The following PTPRD variants were observed in gnomAD, a reference collection of about 807,000 sequenced individuals.
The protein encoded by PTPRD is receptor-type tyrosine-protein phosphatase delta.
Under a neutral mutation model 214.5 loss-of-function variants are expected in PTPRD, and 34 were observed. That is an observed-to-expected ratio of 0.16 (90% CI 0.12 to 0.21). The LOEUF (loss-of-function observed/expected upper bound fraction) is 0.21, where lower values mean the gene tolerates loss of function less well. Among genes scored for constraint, PTPRD ranks in the 10% least tolerant of loss-of-function variants. The pLI is 1.00. For synonymous variants in PTPRD, 1,128 were observed against 845.7 expected, an observed-to-expected ratio of 1.33 and a Z score of -5.79; for missense variants, 2,545 against 2,398.7, an observed-to-expected ratio of 1.06 and a Z score of -1.27.
chr9:8,478,046 T>C (rs1391252120), intron 30 of PTPRD, among the ~76,000 whole-genome samples: 1 of 152,222 alleles, frequency 6.6e-6, no homozygotes, highest in Admixed American at 6.5e-5. Flanking sequence ...AAGCACCTAG[T>C]ATGCCCTCTG....
intron 4 of PTPRD, among the ~76,000 whole-genome samples, chr9:10,023,098 G>T (rs1336738525): frequency 1.3e-5 from 2 of 152,062 alleles, no homozygotes; most frequent in Admixed American, 6.6e-5. Context: ...ATGAAAGGAA[G>T]ATTTTTGACA....
intron 3 of PTPRD, among the ~76,000 whole-genome samples, chr9:10,208,628 A>G (rs1438365013): frequency 6.6e-6 from 1 of 152,194 alleles, no homozygotes; most frequent in African/African-American, 2.4e-5. Context: ...AATTTCTACA[A>G]CTCTAAATCC....
intron 10 of PTPRD, among the ~76,000 whole-genome samples, chr9:9,053,026 C>T (rs1038188285): frequency 1.3e-5 from 2 of 151,976 alleles, no homozygotes; most frequent in African/African-American, 4.8e-5. Context: ...TGACAATTTC[C>T]AATTGGAAAA....
Position 8,970,235 on chromosome 9 carries a change from T to A in PTPRD, c.-104+48462A>T, listed in dbSNP as rs540715525. Among the ~76,000 whole-genome samples, 4 of 152,036 alleles carry A rather than the reference T, an allele frequency of 2.6e-5. No homozygotes were observed. The South Asian group carries it at 8.3e-4, about 32-fold the overall frequency. Reference sequence around the variant, plus strand: ...TAGTGCTATGGGCTTATCAGCATAATTTACATATTAAATAAAAGAGCATAA... The same window carrying A: ...TAGTGCTATGGGCTTATCAGCATAAATTACATATTAAATAAAAGAGCATAA... On this transcript the variant is annotated intron_variant, in intron 11 of 45. Transcript: ENST00000381196.
At position 8,317,696 on chromosome 9, in the gene PTPRD, GTGAATTCT is replaced by G. The variant is rs1822910029; in HGVS notation, c.*170_*177del. 3.9e-6 allele frequency: 2 copies of G among 510,140 alleles called. No individual in the cohort carries two copies. Among genetic ancestry groups the G allele is most frequent in the East Asian group, 5.6e-5 (2 of 35,424 alleles). 31.6% of individuals were successfully genotyped at this position (510,140 alleles called of 1,614,324 possible). A position where few individuals can be genotyped will look rare whatever the true frequency, so the allele number is the denominator to read the frequency against. On this transcript the variant is annotated 3_prime_UTR_variant, in exon 46 of 46. Transcript: ENST00000381196. ...ATTTTTCAGGTTAGATTATTAAACT[GTGAATTCT>G]TGGTCCACCTGGAATAATTTGTTTT...
In PTPRD at chr9:9,173,417, C is replaced by A. The variant is rs189389364; in HGVS notation, c.-143+9887G>T. 2.8e-4 allele frequency among the ~76,000 whole-genome samples: 42 copies of A among 152,224 alleles called. No individual in the cohort carries two copies. In the East Asian group the frequency reaches 7.7e-3, roughly 28 times the overall value. ...TGGTTGGGTCATGGGTCACTTAACA[C>A]TGGGGATACATTCTGATAAATGTGT... is the stretch of plus-strand genomic sequence containing the variant. On this transcript the variant is annotated intron_variant, in intron 10 of 45. Transcript: ENST00000381196.
chr9:8,788,976 G>C (rs753908232), intron 11 of PTPRD, among the ~76,000 whole-genome samples: 4 of 152,056 alleles, frequency 2.6e-5, no homozygotes, highest in Non-Finnish European at 4.4e-5. Flanking sequence ...ACTTTATCTA[G>C]CTATATATAT....
chr9:10,091,281 G>C (rs192440621), intron 3 of PTPRD, among the ~76,000 whole-genome samples: 146 of 151,318 alleles, frequency 9.6e-4, no homozygotes, highest in African/African-American at 3.3e-3. Context: ...GGCAAGATTG[G>C]GATGTCCCAA....
chr9:8,420,259 T>C (rs187540698), intron 35 of PTPRD, among the ~76,000 whole-genome samples: 3 of 152,276 alleles, frequency 2.0e-5, no homozygotes, highest in East Asian at 3.9e-4. Flanking sequence ...ACCTGGCACA[T>C]TGTAAGAGCT....
At chr9:9,005,861 G>C (rs987786722) in intron 11 of PTPRD, among the ~76,000 whole-genome samples, 32 of 152,020 alleles carry the variant, frequency 2.1e-4, no homozygotes, top group African/African-American at 7.7e-4. Flanking sequence ...TACTATTCTA[G>C]ACCAGTTAAC....
chr9:8,880,374 C>T (rs2098435127), intron 11 of PTPRD, among the ~76,000 whole-genome samples: 1 of 152,168 alleles, frequency 6.6e-6, no homozygotes, highest in Non-Finnish European at 1.5e-5. Flanking sequence ...CTTAGTGTTA[C>T]CTGTGGATAT....
chr9:8,754,031 G>C (rs1286589621), intron 11 of PTPRD, among the ~76,000 whole-genome samples: 3 of 152,124 alleles, frequency 2.0e-5, no homozygotes. Flanking sequence ...TGTAATCCCA[G>C]CTAGTCAGGA....
chr9:8,788,638 G>A (rs545049990), intron 11 of PTPRD, among the ~76,000 whole-genome samples: 2 of 150,840 alleles, frequency 1.3e-5, no homozygotes, highest in Non-Finnish European at 3.0e-5. Flanking sequence ...GAAAAGTTAT[G>A]GAGGAAAATC....
rs183541530 is a variant in PTPRD at position 9,808,502 on chromosome 9, C to T, written c.-367-41651G>A. Among the ~76,000 whole-genome samples, 5 of 152,208 alleles carry T rather than the reference C, an allele frequency of 3.3e-5. No individual in the cohort carries two copies. In the East Asian group the frequency reaches 9.6e-4, roughly 29 times the overall value. ...AATATCACCACCGTACCCGGATAGG[C>T]TTTGTATCTATTTTTCTGAGGGCAG... On this transcript the variant is annotated intron_variant, in intron 5 of 45. Transcript: ENST00000381196.
chr9:9,672,125 G>C (rs1331317935), intron 7 of PTPRD, among the ~76,000 whole-genome samples: 1 of 152,100 alleles, frequency 6.6e-6, no homozygotes, highest in Admixed American at 6.5e-5. Flanking sequence ...TTATTAAGGA[G>C]TCTGCAGCAT....
chr9:8,501,849 T>C (rs890203635), intron 23 of PTPRD, among the ~76,000 whole-genome samples: 1 of 152,196 alleles, frequency 6.6e-6, no homozygotes, highest in African/African-American at 2.4e-5. Flanking sequence ...TTATAACTCT[T>C]CTTGAGACAC....
At chr9:9,324,002 C>T (rs1164329037) in intron 9 of PTPRD, among the ~76,000 whole-genome samples, 1 of 152,138 alleles carries the variant, frequency 6.6e-6, no homozygotes, top group East Asian at 1.9e-4. Context: ...ATCCATGTCC[C>T]TACAAAGGAC....
chr9:9,003,896 A>C (rs746662121), intron 11 of PTPRD, among the ~76,000 whole-genome samples: 7 of 152,064 alleles, frequency 4.6e-5, no homozygotes, highest in Non-Finnish European at 7.4e-5. Context: ...ATCAACTTTC[A>C]TGTGATTTGT....
At chr9:9,539,540 C>T (rs1483055375) in intron 8 of PTPRD, among the ~76,000 whole-genome samples, 6 of 151,820 alleles carry the variant, frequency 4.0e-5, no homozygotes, top group African/African-American at 9.7e-5. Context: ...TTTGATTATT[C>T]CTTCACATTA....
Sources: allele counts gnomAD v4.1 joint callset (sites outside exome capture counted in the v4.1 genomes callset), GRCh38; gene constraint gnomAD v4.1.1; transcripts MANE v1.5; gene names NCBI Gene and HGNC (gene_info 2026-07-23, HGNC 2026-07-21).